The following STT3B variants were observed in gnomAD, a reference collection of about 807,000 sequenced individuals.
STT3B encodes the protein STT3 oligosaccharyltransferase complex catalytic subunit B, also known as dolichyl-diphosphooligosaccharide--protein glycosyltransferase subunit STT3B.
In STT3B, 29 loss-of-function variants were observed where a neutral mutation model predicts 96.8. That is an observed-to-expected ratio of 0.30 (90% confidence interval 0.22 to 0.41). The LOEUF (loss-of-function observed/expected upper bound fraction) is 0.41, where lower values mean the gene tolerates loss of function less well. Among genes scored for constraint, STT3B ranks in the 10% least tolerant of loss-of-function variants. STT3B has a pLI of 1.00. For synonymous variants in STT3B, 367 were observed against 360.0 expected (o/e 1.02, Z -0.22); for missense variants, 640 against 1,022.3 (o/e 0.63, Z 5.10).
chr3:31,595,380 G>C (rs112613026), intron 3 of STT3B, among the ~76,000 whole-genome samples: 28 of 152,246 alleles, frequency 1.8e-4, no homozygotes, highest in African/African-American at 6.7e-4. Flanking sequence ...CTTCTGAGTA[G>C]CTCAGCTGTT....
At chr3:31,593,067 A>G (rs763183932) in intron 3 of STT3B, among the ~76,000 whole-genome samples, 38 of 152,182 alleles carry the variant, frequency 2.5e-4, no homozygotes, top group Non-Finnish European at 2.9e-5. Flanking sequence ...CCGTGCAATT[A>G]TTGTCTAGGT....
chr3:31,552,727 T>C (rs571522391), intron 1 of STT3B, among the ~76,000 whole-genome samples: 5 of 152,292 alleles, frequency 3.3e-5, no homozygotes, highest in Non-Finnish European at 5.9e-5. Flanking sequence ...CACGAGTCCT[T>C]TGGACAGTAA....
intron 4 of STT3B, among the ~76,000 whole-genome samples, chr3:31,599,278 G>A (rs1037449776): frequency 1.3e-5 from 2 of 152,036 alleles, no homozygotes; most frequent in African/African-American, 4.8e-5. Flanking sequence ...CATGGAATAT[G>A]TGCATCCAAG....
chr3:31,616,055 T>A (rs1020368338), intron 6 of STT3B, among the ~76,000 whole-genome samples: 3 of 151,934 alleles, frequency 2.0e-5, no homozygotes, highest in Non-Finnish European at 4.4e-5. Flanking sequence ...AGCATAAATT[T>A]TACATGACAC....
At chr3:31,611,403 A>G (rs1699176574) in intron 5 of STT3B, among the ~76,000 whole-genome samples, 1 of 152,220 alleles carries the variant, frequency 6.6e-6, no homozygotes, top group African/African-American at 2.4e-5. Flanking sequence ...TAATGTTTAA[A>G]TGCATAAATT....
intron 1 of STT3B, 124 bp from the exon 2 acceptor site, chr3:31,576,272 T>TGTTATATAA (rs1698261614): frequency 1.9e-6 from 1 of 518,962 alleles, no homozygotes; most frequent in African/African-American, 2.0e-5. Flanking sequence ...CTTCAGATTA[T>TGTTATATAA]GTTATATAAG....
At chr3:31,628,682 C>A (rs1241236781) in intron 13 of STT3B, among the ~76,000 whole-genome samples, 1 of 151,976 alleles carries the variant, frequency 6.6e-6, no homozygotes, top group Non-Finnish European at 1.5e-5. Context: ...CAAATAAAGC[C>A]GATTTTAAAG....
At chr3:31,552,966 G>GT (rs1697602153) in intron 1 of STT3B, among the ~76,000 whole-genome samples, 2 of 151,960 alleles carry the variant, frequency 1.3e-5, no homozygotes, top group East Asian at 3.9e-4. Flanking sequence ...GCCGGGCATG[G>GT]TGGCGCGTGC....
chr3:31,553,811 TTCC>T (rs1575410928), intron 1 of STT3B, among the ~76,000 whole-genome samples: 2 of 152,224 alleles, frequency 1.3e-5, no homozygotes, highest in East Asian at 3.9e-4. Context: ...TTGTTGCCTC[TTCC>T]TCCTGTGAGA....
At chr3:31,584,272 T>A (rs1698486585) in intron 3 of STT3B, among the ~76,000 whole-genome samples, 1 of 152,224 alleles carries the variant, frequency 6.6e-6, no homozygotes, top group East Asian at 1.9e-4. Context: ...TTCCATTCCC[T>A]TGCCATCTGT....
chr3:31,619,966 T>A, intron 9 of STT3B, 136 bp downstream of exon 9: 1 of 1,509,176 alleles, frequency 6.6e-7, no homozygotes, highest in Middle Eastern at 2.3e-4. Context: ...TTTGCATAGG[T>A]GCTTAACCAA....
chr3:31,619,819 A>G lies in STT3B; in HGVS notation c.1316A>G (p.Glu439Gly), dbSNP rs1559389195. 3.7e-6 allele frequency: 6 copies of G among 1,611,266 alleles called. No homozygotes were observed. Among genetic ancestry groups the G allele is most frequent in the Non-Finnish European group, 5.1e-6 (6 of 1,179,328 alleles). The stretch of plus-strand genomic sequence containing the variant: ...TTCTGCATCAAAAATATCAACGATG[A>G]AAGAGTATTTGGTAAGAGAGGTTTT... The part of the protein sequence containing the change: ...LWFCIKNIND[E>G]RVFVALYAIS... The change falls in exon 9 of 16, where the codon GAA (glutamate) becomes GGA (glycine). Residue 439 changes from glutamate to glycine, a missense_variant. This residue lies in a region of STT3B where 33 missense variants were observed against 43.1 expected (regional missense o/e 0.77). Transcript: ENST00000295770.
At position 31,596,800 on chromosome 3, in the gene STT3B, A is replaced by C; in HGVS notation, c.714A>C (p.Val238=). ...FALQFTYYLW[V]KSVKTGSVFW... ...TATCAGTTGCTTTTGTTTTTTAGGTAAAATCTGTAAAAACTGGGTCAGTTT... is the reference window on the plus strand; with the variant it reads ...TATCAGTTGCTTTTGTTTTTTAGGTCAAATCTGTAAAAACTGGGTCAGTTT... Residue 238 remains valine, a splice_region_variant and synonymous_variant, in exon 4 of 16, where the codon GTA becomes GTC. Coordinates refer to ENST00000295770, the MANE Select transcript of STT3B (RefSeq NM_178862.3). 1 of 1,609,090 alleles carries C rather than the reference A, an allele frequency of 6.2e-7. No individual in the cohort carries two copies. The highest frequency in any genetic ancestry group is 8.5e-7 in the Non-Finnish European group (1 of 1,176,532).
chr3:31,622,673 G>T (rs980309009), intron 10 of STT3B, among the ~76,000 whole-genome samples: 1 of 152,180 alleles, frequency 6.6e-6, no homozygotes, highest in Non-Finnish European at 1.5e-5. Context: ...ACAGACAGGT[G>T]CTTATCCTTG....
chr3:31,600,528 A>T (rs1698906182), intron 5 of STT3B, 69 bp downstream of exon 5: 1 of 723,976 alleles, frequency 1.4e-6, no homozygotes. Flanking sequence ...TATTGAAGAG[A>T]TATTTCTATT....
chr3:31,541,843 T>G (rs1697281122), intron 1 of STT3B, among the ~76,000 whole-genome samples: 2 of 152,214 alleles, frequency 1.3e-5, no homozygotes, highest in Non-Finnish European at 2.9e-5. Context: ...CCCAAAGTGC[T>G]GGGATTACAG....
At chr3:31,569,026 T>C (rs1227560038) in intron 1 of STT3B, among the ~76,000 whole-genome samples, 1 of 152,152 alleles carries the variant, frequency 6.6e-6, no homozygotes. Context: ...TTGTTTCTTT[T>C]AAAGACGGGA....
At chr3:31,581,981 A>C (rs1698413920) in intron 3 of STT3B, among the ~76,000 whole-genome samples, 1 of 152,192 alleles carries the variant, frequency 6.6e-6, no homozygotes, top group African/African-American at 2.4e-5. Context: ...TTGTTGGCAT[A>C]CAAGACTTGA....
Position 31,533,039 on chromosome 3 carries a change from C to T in STT3B, c.41C>T (p.Ser14Phe). 1 of 1,587,428 alleles carries T rather than the reference C, an allele frequency of 6.3e-7. No individual in the cohort carries two copies. ...GCCCCGGAGAGCAAGCACAAGTCGT[C>T]CCTCAACTCGTCCCCGTGGAGTGGC... ...PSAPESKHKS[S>F]LNSSPWSGLM... is the part of the protein sequence containing the mutation. Residue 14 changes from serine to phenylalanine, a missense_variant, in exon 1 of 16, where the codon TCC (serine) becomes TTC (phenylalanine). Coordinates refer to ENST00000295770, the MANE Select transcript of STT3B (RefSeq NM_178862.3).
Sources: allele counts gnomAD v4.1 joint callset (sites outside exome capture counted in the v4.1 genomes callset), GRCh38; gene constraint gnomAD v4.1.1; regional missense constraint gnomAD v4.1.1; transcripts MANE v1.5; gene names NCBI Gene and HGNC (gene_info 2026-07-23, HGNC 2026-07-21).